The following PNPLA7 variants were observed in gnomAD, a reference collection of about 807,000 sequenced individuals.
PNPLA7 encodes the protein patatin-like phospholipase domain-containing protein 7.
PNPLA7 carries 153 observed loss-of-function variants against 161.7 expected under a neutral mutation model. The ratio of observed to expected loss-of-function variants is 0.95; its 90% CI spans 0.83 to 1.08. The LOEUF is 1.08. PNPLA7 is among the 50% of genes least tolerant of loss of function. The probability of loss-of-function intolerance (pLI) is 0.00; values close to 1 mark genes in which losing one functional copy is unlikely to be tolerated. For missense variants in PNPLA7, 1,739 were observed against 1,856.6 expected (o/e 0.94, Z 1.16); for synonymous variants, 809 against 782.1 (o/e 1.03, Z -0.57).
rs531152253 is a variant in PNPLA7 at position 137,513,177 on chromosome 9, G to T, written c.1225+2202C>A. On this transcript the variant is annotated intron_variant, in intron 12 of 34. Coordinates refer to ENST00000406427, the MANE Select transcript of PNPLA7 (RefSeq NM_001098537.3). Reference sequence around the variant, plus strand: ...TAAATGAAAGACCTCTATGTGAAAGGCAAAACTAAAAGCTAATAAAAATAG... The same window carrying T: ...TAAATGAAAGACCTCTATGTGAAAGTCAAAACTAAAAGCTAATAAAAATAG... Among the ~76,000 whole-genome samples, 6 of 152,106 alleles carry T rather than the reference G, an allele frequency of 3.9e-5. No homozygotes were observed. The East Asian group carries it at 9.7e-4, about 25-fold the overall frequency.
rs561388099 is a variant in PNPLA7 at position 137,501,699 on chromosome 9, G to A, written c.1502C>T (p.Ala501Val). Residue 501 changes from alanine to valine, a missense_variant, in exon 15 of 35, where the codon GCG becomes GTG. This residue lies in a region of PNPLA7 where 481 missense variants were observed against 450.0 expected (regional missense o/e 1.07). Transcript: ENST00000406427. ...EDSSLLDGRV[A>V]LLHVPAGTVV... ...CGTGCCTGCAGGAACGTGCAGAAGC[G>A]CCACCCGGCCATCCAACAGAGATGA... The A allele has an allele frequency of 1.1e-5, 18 of 1,612,574 alleles. No homozygotes were observed. In the South Asian group the frequency reaches 1.2e-4, roughly 11 times the overall value.
In PNPLA7 at chr9:137,468,494, C is replaced by G. The variant is rs1831576054; in HGVS notation, c.2883-1021G>C. Among the ~76,000 whole-genome samples, 1 of 152,136 alleles carries G rather than the reference C, an allele frequency of 6.6e-6. No homozygotes were observed. ...GTACAAAGTAGACAAGGGAAGAGCA[C>G]CCAGCTCTAAGGAGGGAGCTCGGAT... On this transcript the variant is annotated intron_variant, in intron 25 of 34. Transcript: ENST00000406427. The surrounding 1 kb of genome is among the most constrained non-coding windows in gnomAD (Gnocchi z 4.0).
rs577314399 is a variant in PNPLA7, at chr9:137,537,018, G to C, written c.747+3624C>G. On this transcript the variant is annotated intron_variant, in intron 8 of 34. Transcript: ENST00000406427. This position sits in a 1 kb window ranked among gnomAD's most constrained non-coding sequence, Gnocchi z 4.5. ...TTCATCTCCCACAACAGGAAGCATG[G>C]GGGCCATCCACCGAGCCACACTTTA... Among the ~76,000 whole-genome samples the C allele has an allele frequency of 9.1e-4, 137 of 150,966 alleles. No homozygotes were observed. The highest frequency in any genetic ancestry group is 1.5e-3 in the Non-Finnish European group (102 of 67,870).
chr9:137,511,143 G>A (rs756517267), intron 12 of PNPLA7, among the ~76,000 whole-genome samples: 14 of 152,176 alleles, frequency 9.2e-5, no homozygotes, highest in Non-Finnish European at 1.0e-4. Flanking sequence ...GAAGGCACCC[G>A]TTACTTAGTG....
rs80093161 is a variant in PNPLA7 at position 137,473,276 on chromosome 9, C to A, written c.2882+4758G>T. ...AACCATATCATTCAGAGCAACCAGA[C>A]ACCACATGGGAAAAGTGAACTCCCA... On this transcript the variant is annotated intron_variant, in intron 25 of 34. Coordinates refer to ENST00000406427, the MANE Select transcript of PNPLA7 (RefSeq NM_001098537.3). 5.6e-4 allele frequency among the ~76,000 whole-genome samples: 85 copies of A among 152,242 alleles called. No homozygotes were observed. The East Asian group carries it at 0.014, about 24-fold the overall frequency.
chr9:137,531,599 G>C (rs1835584850), intron 8 of PNPLA7, among the ~76,000 whole-genome samples: 1 of 152,164 alleles, frequency 6.6e-6, no homozygotes, highest in African/African-American at 2.4e-5. Context: ...CTCAGCCACG[G>C]AGAAATCAAC....
intron 8 of PNPLA7, among the ~76,000 whole-genome samples, chr9:137,538,184 T>G (rs1354082604): frequency 6.6e-6 from 1 of 152,120 alleles, no homozygotes; most frequent in African/African-American, 2.4e-5. Flanking sequence ...TCAGCCTTGC[T>G]CAAAGGAGGT....
intron 21 of PNPLA7, 28 bp from the exon 22 acceptor site, chr9:137,481,051 C>A (rs202069710): frequency 3.0e-4 from 467 of 1,551,122 alleles, no homozygotes; most frequent in Middle Eastern, 5.0e-4. Context: ...AGTAACGGAG[C>A]CTGCCTGGGC....
In PNPLA7 at chr9:137,529,659, T is replaced by G. The variant is rs74556305; in HGVS notation, c.748-6802A>C. Among the ~76,000 whole-genome samples the G allele has an allele frequency of 1.3e-4, 20 of 148,278 alleles. No individual in the cohort carries two copies. In the South Asian group the frequency reaches 1.5e-3, roughly 11 times the overall value. On this transcript the variant is annotated intron_variant, in intron 8 of 34. Transcript: ENST00000406427. ...TCGAGGTGAAGTTTGAATCTTTGTT[T>G]TTTTTTTTTTTTTTTTGAGACGGAG...
chr9:137,464,280 G>T, intron 27 of PNPLA7, 60 bp downstream of exon 27: 1 of 1,604,492 alleles, frequency 6.2e-7, no homozygotes, highest in Admixed American at 1.7e-5. Context: ...GCCAAGAGGT[G>T]GGGGGCCAGG....
intron 14 of PNPLA7, among the ~76,000 whole-genome samples, chr9:137,502,315 C>T (rs1833479316): frequency 6.6e-6 from 1 of 152,094 alleles, no homozygotes; most frequent in South Asian, 2.1e-4. Flanking sequence ...CCCCAGTCCA[C>T]AGTGATGATG....
chr9:137,528,272 T>G (rs1835400266), intron 8 of PNPLA7, among the ~76,000 whole-genome samples: 1 of 152,184 alleles, frequency 6.6e-6, no homozygotes, highest in Non-Finnish European at 1.5e-5. Flanking sequence ...TTCTTCCATC[T>G]GCTTGCTTTG....
At chr9:137,549,296 G>T (rs536887284) in intron 1 of PNPLA7, among the ~76,000 whole-genome samples, 2 of 151,864 alleles carry the variant, frequency 1.3e-5, no homozygotes, top group South Asian at 4.2e-4. Context: ...GGCCGGGCAC[G>T]GTGGCTCATG....
Position 137,476,239 on chromosome 9 carries a change from A to C in PNPLA7, c.2882+1795T>G. On this transcript the variant is annotated intron_variant, in intron 25 of 34. Transcript: ENST00000406427. This position sits in a 1 kb window ranked among gnomAD's most constrained non-coding sequence, Gnocchi z 4.5. ...CTGCCTCAGTGTCTTCGGGTAAATT[A>C]AGGATACCCAGAAAACTGAACAAAT... 6.6e-6 allele frequency among the ~76,000 whole-genome samples: 1 copy of C among 152,186 alleles called. No homozygotes were observed. The highest frequency in any genetic ancestry group is 1.9e-4 in the East Asian group (1 of 5,190).
At position 137,546,911 on chromosome 9, in the gene PNPLA7, T is replaced by C; in HGVS notation, c.194-2A>G. The C allele has an allele frequency of 1.2e-6, 2 of 1,613,742 alleles. No individual in the cohort carries two copies. Among genetic ancestry groups the C allele is most frequent in the East Asian group, 2.2e-5 (1 of 44,886 alleles). On this transcript the variant is annotated splice_acceptor_variant, in intron 3 of 34. Transcript: ENST00000406427. LOFTEE classifies it high-confidence loss of function. ...ACTGAGGAGTGGGCTGTGCTTGTCC[T>C]GCAGGGGAGTAAAGGGATGGCCTGA...
chr9:137,542,840 GGGA>G (rs769353859), intron 6 of PNPLA7, 39 bp from the exon 7 acceptor site: 2 of 1,586,284 alleles, frequency 1.3e-6, no homozygotes, highest in East Asian at 2.3e-5. Context: ...GCCCTTCCAG[GGGA>G]GGAGGACGGC....
chr9:137,541,274 G>A lies in PNPLA7; in HGVS notation c.667-552C>T, dbSNP rs1836186389. On this transcript the variant is annotated intron_variant, in intron 7 of 34. Coordinates refer to ENST00000406427, the MANE Select transcript of PNPLA7 (RefSeq NM_001098537.3). The surrounding 1 kb of genome is among the most constrained non-coding windows in gnomAD (Gnocchi z 4.4). Reference sequence around the variant, plus strand: ...AGGGACACGGGTTCTGGTCCTTCAGGAGGGCCCCGCACGAGCGGCAACGAA... The same window carrying A: ...AGGGACACGGGTTCTGGTCCTTCAGAAGGGCCCCGCACGAGCGGCAACGAA... 4.4e-6 allele frequency: 1 copy of A among 229,700 alleles called. No homozygotes were observed. 14.2% of individuals were successfully genotyped at this position (229,700 alleles called of 1,614,324 possible). A position where few individuals can be genotyped will look rare whatever the true frequency, so the allele number is the denominator to read the frequency against.
At chr9:137,462,464 C>G in intron 30 of PNPLA7, 133 bp from the exon 31 acceptor site, 1 of 1,445,104 alleles carries the variant, frequency 6.9e-7, no homozygotes, top group Non-Finnish European at 9.1e-7. Flanking sequence ...GGTAGCAGCA[C>G]CCGGCCGGGG....
chr9:137,465,486 C>G (rs1361669358), intron 26 of PNPLA7, among the ~76,000 whole-genome samples: 1 of 152,230 alleles, frequency 6.6e-6, no homozygotes. Flanking sequence ...AGGACCGGCT[C>G]GGAGCCACCT....
Sources: gnomAD v4.1 joint callset for allele counts (sites outside exome capture counted in the v4.1 genomes callset) on GRCh38, gnomAD v4.1.1 for gene constraint, gnomAD v4.1.1 regional missense constraint, Gnocchi (gnomAD v3.1) non-coding constraint, MANE v1.5 for transcripts, NCBI Gene and HGNC (gene_info 2026-07-23, HGNC 2026-07-21) for gene names.